The following PRKCA variants were observed in gnomAD, a reference collection of about 807,000 sequenced individuals.
The protein encoded by PRKCA is protein kinase C alpha, also known as protein kinase C alpha type.
PRKCA carries 27 observed loss-of-function variants against 87.0 expected under a neutral mutation model. The observed-to-expected ratio is 0.31, with a 90% confidence interval of 0.23 to 0.43. The LOEUF is 0.43. Ranked by LOEUF, PRKCA falls within the 20% of genes least tolerant of loss-of-function variation. The pLI is 1.00. For missense variants in PRKCA, 518 were observed against 852.3 expected (o/e 0.61, Z 4.88); for synonymous variants, 329 against 311.1 (o/e 1.06, Z -0.61).
At chr17:66,746,244 C>G (rs1974282615) in intron 13 of PRKCA, among the ~76,000 whole-genome samples, 1 of 140,718 alleles carries the variant, frequency 7.1e-6, no homozygotes, top group Non-Finnish European at 1.5e-5. Context: ...CCTCAACTTC[C>G]TGGGCTCAGG....
intron 2 of PRKCA, among the ~76,000 whole-genome samples, chr17:66,475,094 C>G (rs1915483744): frequency 1.3e-5 from 2 of 152,210 alleles, no homozygotes; most frequent in African/African-American, 2.4e-5. Context: ...AGCTAAGTTG[C>G]AAGCTGTCTT....
At chr17:66,630,251 A>G (rs1318445401) in intron 3 of PRKCA, among the ~76,000 whole-genome samples, 1 of 152,218 alleles carries the variant, frequency 6.6e-6, no homozygotes, top group East Asian at 1.9e-4. Flanking sequence ...TGAAACAAAA[A>G]CTGGAACAAA....
chr17:66,611,959 T>G (rs28876991), intron 3 of PRKCA, among the ~76,000 whole-genome samples: 4,233 of 152,282 alleles, frequency 0.028, 200 homozygotes, highest in African/African-American at 0.093. Flanking sequence ...GGTCATTATA[T>G]ATCTTCTTTG....
At chr17:66,480,870 A>G (rs1043798076) in intron 2 of PRKCA, among the ~76,000 whole-genome samples, 3 of 151,904 alleles carry the variant, frequency 2.0e-5, no homozygotes, top group Non-Finnish European at 4.4e-5. Flanking sequence ...TCAGTGAACC[A>G]TGGCTGAAGG....
chr17:66,540,534 G>T (rs1967950694), intron 3 of PRKCA, among the ~76,000 whole-genome samples: 1 of 152,198 alleles, frequency 6.6e-6, no homozygotes, highest in South Asian at 2.1e-4. Flanking sequence ...GCCGTGCGGG[G>T]GCTGCAGTTA....
At chr17:66,708,582 G>A (rs1032852755) in intron 8 of PRKCA, among the ~76,000 whole-genome samples, 1 of 152,184 alleles carries the variant, frequency 6.6e-6, no homozygotes, top group Admixed American at 6.5e-5. Context: ...AGGTGTCTCT[G>A]CTAAATGTTT....
At chr17:66,512,488 G>A (rs1917280142) in intron 3 of PRKCA, among the ~76,000 whole-genome samples, 3 of 38,312 alleles carry the variant, frequency 7.8e-5, no homozygotes, top group Admixed American at 3.9e-4. Context: ...GTGTGTGTGT[G>A]TGTATTTCTT....
intron 3 of PRKCA, among the ~76,000 whole-genome samples, chr17:66,609,144 A>G (rs1396294525): frequency 1.3e-5 from 2 of 152,224 alleles, no homozygotes; most frequent in Non-Finnish European, 2.9e-5. Context: ...GAATTAATAA[A>G]TCTGACTTGT....
intron 13 of PRKCA, among the ~76,000 whole-genome samples, chr17:66,768,028 C>T (rs919447407): frequency 3.3e-5 from 5 of 152,168 alleles, no homozygotes; most frequent in Non-Finnish European, 5.9e-5. Context: ...AATCTCAGCT[C>T]GCTGTAAACT....
chr17:66,505,920 C>G (rs1206051014), intron 3 of PRKCA, among the ~76,000 whole-genome samples: 1 of 152,160 alleles, frequency 6.6e-6, no homozygotes, highest in Admixed American at 6.5e-5. Context: ...ACTTGAACTC[C>G]TGGACATAAG....
chr17:66,787,796 A>G (rs1271377250), intron 15 of PRKCA, among the ~76,000 whole-genome samples: 2 of 151,362 alleles, frequency 1.3e-5, no homozygotes, highest in African/African-American at 4.9e-5. Flanking sequence ...ACTGAACCTT[A>G]CAGTGTTGCT....
chr17:66,653,205 G>A (rs1252534376), intron 5 of PRKCA, among the ~76,000 whole-genome samples: 1 of 152,248 alleles, frequency 6.6e-6, no homozygotes, highest in Non-Finnish European at 1.5e-5. Flanking sequence ...GTCCCCAAGA[G>A]CTTGTATATG....
At chr17:66,424,568 A>ACACACACAC (rs1598660738) in intron 2 of PRKCA, among the ~76,000 whole-genome samples, 40 of 142,052 alleles carry the variant, frequency 2.8e-4, no homozygotes, top group African/African-American at 8.5e-4. Context: ...CCCTGTCTCA[A>ACACACACAC]ACACACACAC....
intron 3 of PRKCA, among the ~76,000 whole-genome samples, chr17:66,512,338 T>A (rs1158839365): frequency 6.6e-6 from 1 of 152,004 alleles, no homozygotes; most frequent in Non-Finnish European, 1.5e-5. Flanking sequence ...GCTACTCAGG[T>A]GGCTGAGGCA....
At chr17:66,747,619 A>G (rs1363299204) in intron 13 of PRKCA, among the ~76,000 whole-genome samples, 1 of 152,236 alleles carries the variant, frequency 6.6e-6, no homozygotes, top group Non-Finnish European at 1.5e-5. Flanking sequence ...CGGAGCCCGT[A>G]CGTTCTTTTT....
intron 2 of PRKCA, among the ~76,000 whole-genome samples, chr17:66,464,325 G>C (rs917892086): frequency 5.6e-4 from 86 of 152,266 alleles, no homozygotes; most frequent in African/African-American, 1.9e-3. Flanking sequence ...TATGAAGAAG[G>C]CTGCCATAAA....
intron 6 of PRKCA, 133 bp from the exon 7 acceptor site, chr17:66,688,169 G>C (rs928317098): frequency 1.4e-5 from 16 of 1,104,482 alleles, no homozygotes; most frequent in Non-Finnish European, 1.9e-5. Context: ...CAGCATAAGG[G>C]GTTGGTATTT....
intron 3 of PRKCA, among the ~76,000 whole-genome samples, chr17:66,538,792 A>G (rs560179952): frequency 8.1e-4 from 124 of 152,336 alleles, no homozygotes; most frequent in Non-Finnish European, 1.4e-3. Context: ...GTAGCAAAAC[A>G]GAATTCTGCT....
At chr17:66,332,434 G>C (rs1480714224) in intron 2 of PRKCA, among the ~76,000 whole-genome samples, 1 of 151,872 alleles carries the variant, frequency 6.6e-6, no homozygotes, top group East Asian at 1.9e-4. Context: ...CCCCATGTTG[G>C]CCAGGGTGGT....
Sources: allele counts gnomAD v4.1 joint callset (sites outside exome capture counted in the v4.1 genomes callset), GRCh38; gene constraint gnomAD v4.1.1; transcripts MANE v1.5; gene names NCBI Gene and HGNC (gene_info 2026-07-23, HGNC 2026-07-21).